Variants in OPCML observed in about 807,000 individuals in gnomAD.
OPCML encodes the protein opioid binding protein/cell adhesion molecule like, also known as opioid-binding protein/cell adhesion molecule.
Under a neutral mutation model 37.8 loss-of-function variants are expected in OPCML, and 13 were observed. The ratio of observed to expected loss-of-function variants is 0.34; its 90% CI spans 0.22 to 0.55. OPCML has a LOEUF of 0.55. OPCML is among the 20% of genes least tolerant of loss of function. OPCML has a pLI of 0.91. For synonymous variants in OPCML, 176 were observed against 168.8 expected, an observed-to-expected ratio of 1.04 and a Z score of -0.33; for missense variants, 341 against 435.6, an observed-to-expected ratio of 0.78 and a Z score of 1.93.
At chr11:132,602,900 C>G (rs943315595) in intron 3 of OPCML, among the ~76,000 whole-genome samples, 3 of 152,242 alleles carry the variant, frequency 2.0e-5, no homozygotes, top group African/African-American at 7.2e-5. Context: ...GTGCTCAGGT[C>G]ACGGACAGTA....
chr11:133,439,681 A>C (rs923959858), intron 1 of OPCML, among the ~76,000 whole-genome samples: 2 of 150,832 alleles, frequency 1.3e-5, no homozygotes, highest in African/African-American at 2.4e-5. Context: ...TTTAGCCAGG[A>C]TGGTCTCGAT....
intron 2 of OPCML, among the ~76,000 whole-genome samples, chr11:132,809,304 G>C (rs750485295): frequency 5.3e-5 from 8 of 152,300 alleles, no homozygotes; most frequent in South Asian, 2.1e-4. Context: ...AGACAGAGGA[G>C]AGCAGTGAGC....
intron 1 of OPCML, among the ~76,000 whole-genome samples, chr11:133,434,823 T>C (rs4077054): frequency 0.2 from 27,593 of 140,472 alleles, 2,761 homozygotes; most frequent in African/African-American, 0.25. Flanking sequence ...TATATATATA[T>C]ACACACACAT....
intron 4 of OPCML, among the ~76,000 whole-genome samples, chr11:132,470,918 C>T (rs756229153): frequency 6.6e-6 from 1 of 152,042 alleles, no homozygotes; most frequent in African/African-American, 2.4e-5. Flanking sequence ...CGTTCTAGGA[C>T]CTGACTCTTC....
chr11:133,141,693 C>A (rs1949826043), intron 1 of OPCML, among the ~76,000 whole-genome samples: 1 of 152,228 alleles, frequency 6.6e-6, no homozygotes, highest in South Asian at 2.1e-4. Flanking sequence ...AGTTATTGCA[C>A]TGAGCTGTCA....
intron 3 of OPCML, among the ~76,000 whole-genome samples, chr11:132,598,375 C>T (rs2096495805): frequency 6.6e-6 from 1 of 152,130 alleles, no homozygotes; most frequent in African/African-American, 2.4e-5. Flanking sequence ...AGTAGACACT[C>T]AATGAATTTT....
At chr11:132,719,067 G>C (rs531237033) in intron 2 of OPCML, among the ~76,000 whole-genome samples, 230 of 152,302 alleles carry the variant, frequency 1.5e-3, no homozygotes, top group South Asian at 2.7e-3. Context: ...TGCCACAGAA[G>C]GGAAGGGAGC....
intron 1 of OPCML, among the ~76,000 whole-genome samples, chr11:133,355,850 G>A (rs1283427918): frequency 6.6e-6 from 1 of 152,194 alleles, no homozygotes; most frequent in African/African-American, 2.4e-5. Context: ...GTTGCAGCGA[G>A]CAAGGTCTGC....
intron 2 of OPCML, among the ~76,000 whole-genome samples, chr11:132,937,474 G>A (rs1945414520): frequency 7.1e-6 from 1 of 141,128 alleles, no homozygotes; most frequent in African/African-American, 2.5e-5. Context: ...TTCAAACAGG[G>A]GGACAGAGAG....
At chr11:133,399,522 G>A (rs1945355868) in intron 1 of OPCML, among the ~76,000 whole-genome samples, 2 of 152,128 alleles carry the variant, frequency 1.3e-5, no homozygotes, top group Admixed American at 6.5e-5. Context: ...TCACAGTGCA[G>A]TTGCAGACCA....
intron 1 of OPCML, among the ~76,000 whole-genome samples, chr11:132,979,505 G>T (rs937803233): frequency 6.6e-6 from 1 of 152,202 alleles, no homozygotes; most frequent in Non-Finnish European, 1.5e-5. Context: ...GGCCTCTGCC[G>T]AGAGGTTTTT....
At chr11:133,380,372 T>C (rs1944905153) in intron 1 of OPCML, among the ~76,000 whole-genome samples, 1 of 151,242 alleles carries the variant, frequency 6.6e-6, no homozygotes, top group Admixed American at 6.6e-5. Context: ...ATAATTCACA[T>C]TTAAAAAAAT....
At position 132,904,312 on chromosome 11, in the gene OPCML, C is replaced by T. The variant is rs1038312221; in HGVS notation, c.146+38614G>A. ...ATGCCAGGAGCTGCCCAGCACTCATCCATGCCCAACTTCCTCACTCCAACA... is the reference window on the plus strand; with the variant it reads ...ATGCCAGGAGCTGCCCAGCACTCATTCATGCCCAACTTCCTCACTCCAACA... On this transcript the variant is annotated intron_variant, in intron 2 of 7. Transcript: ENST00000524381. Among the ~76,000 whole-genome samples the T allele has an allele frequency of 2.0e-5, 3 of 152,322 alleles. No homozygotes were observed. The South Asian group carries it at 6.2e-4, about 32-fold the overall frequency.
intron 1 of OPCML, among the ~76,000 whole-genome samples, chr11:133,119,840 A>C (rs1949394264): frequency 6.6e-6 from 1 of 152,084 alleles, no homozygotes; most frequent in Non-Finnish European, 1.5e-5. Flanking sequence ...TGCACGTGGG[A>C]GTGAAGTGGG....
intron 2 of OPCML, among the ~76,000 whole-genome samples, chr11:132,757,565 T>C (rs1447275134): frequency 2.0e-5 from 3 of 152,254 alleles, no homozygotes; most frequent in Non-Finnish European, 4.4e-5. Flanking sequence ...TGATGAGCTT[T>C]TTTTCATATG....
intron 3 of OPCML, among the ~76,000 whole-genome samples, chr11:132,541,404 A>G (rs1174882481): frequency 6.6e-6 from 1 of 152,190 alleles, no homozygotes; most frequent in East Asian, 1.9e-4. Flanking sequence ...ATCATAAGTA[A>G]CTTATAGGGT....
intron 4 of OPCML, among the ~76,000 whole-genome samples, chr11:132,458,671 A>G (rs2096090822): frequency 6.6e-6 from 1 of 152,186 alleles, no homozygotes; most frequent in African/African-American, 2.4e-5. Flanking sequence ...ACACTGATAA[A>G]CCCATTACAT....
intron 1 of OPCML, among the ~76,000 whole-genome samples, chr11:133,529,266 T>C (rs2120757535): frequency 6.6e-6 from 1 of 152,310 alleles, no homozygotes; most frequent in South Asian, 2.1e-4. Flanking sequence ...AACCTGCCTC[T>C]CTCCTCCTAG....
chr11:133,469,758 C>T (rs7481317), intron 1 of OPCML, among the ~76,000 whole-genome samples: 43,666 of 152,002 alleles, frequency 0.29, 7,845 homozygotes, highest in African/African-American at 0.51. Flanking sequence ...AGTGCTCCTC[C>T]GACTATTTTA....
Sources: gnomAD v4.1 joint callset for allele counts (sites outside exome capture counted in the v4.1 genomes callset) on GRCh38, gnomAD v4.1.1 for gene constraint, MANE v1.5 for transcripts, NCBI Gene and HGNC (gene_info 2026-07-23, HGNC 2026-07-21) for gene names.